The following HMCN2 variants were observed in gnomAD, a reference collection of about 807,000 sequenced individuals.
HMCN2 encodes hemicentin 2, also known as hemicentin-2.
HMCN2 carries 325 observed loss-of-function variants against 377.5 expected under a neutral mutation model. That is an observed-to-expected ratio of 0.86 (90% CI 0.79 to 0.94). The LOEUF (loss-of-function observed/expected upper bound fraction) is 0.94, where lower values mean the gene tolerates loss of function less well. Among genes scored for constraint, HMCN2 ranks in the 40% least tolerant of loss-of-function variants. The pLI is 0.00. For missense variants in HMCN2, 4,543 were observed against 4,725.3 expected (o/e 0.96, Z 1.13); for synonymous variants, 2,007 against 2,046.8 (o/e 0.98, Z 0.53).
chr9:130,432,336 TC>T, intron 96 of HMCN2, 92 bp from the exon 97 acceptor site: 2 of 1,165,384 alleles, frequency 1.7e-6, no homozygotes, highest in Non-Finnish European at 2.5e-6. Context: ...ACCTCACTGG[TC>T]CCCCAAAGGT....
chr9:130,379,402 C>T lies in HMCN2; in HGVS notation c.8366C>T (p.Pro2789Leu), dbSNP rs1233224368. The T allele has an allele frequency of 3.0e-6, 3 of 985,756 alleles. No homozygotes were observed. Among genetic ancestry groups the T allele is most frequent in the Non-Finnish European group, 3.6e-6 (3 of 829,978 alleles). The allele number at this position is 985,756 out of a possible 1,614,324, so 61.1% of individuals were successfully genotyped here. Residue 2789 changes from proline (P) to leucine (L), a missense_variant, in exon 54 of 98, where the codon CCG becomes CTG. Transcript: ENST00000683500. ...LYCDTNAIPP[P>L]DLTWYREDQP... ...TGCGACACCAACGCGATCCCACCCC[C>T]GGACCTCACCTGGTACAGAGAGGAT...
Position 130,393,725 on chromosome 9 carries a change from C to G in HMCN2, c.10235-17C>G, listed in dbSNP as rs1486701348. On this transcript the variant is annotated splice_polypyrimidine_tract_variant and intron_variant, in intron 67 of 97. Transcript: ENST00000683500. The surrounding 1 kb of genome is among the most constrained non-coding windows in gnomAD (Gnocchi z 5.2). ...CTGGAATAAAATGGTTCCTGCCCAC[C>G]TTTCTGCCCTCCATAGTGCCCCCTG... The G allele has an allele frequency of 1.6e-4, 191 of 1,217,232 alleles. No homozygotes were observed. Among genetic ancestry groups the G allele is most frequent in the Non-Finnish European group, 2.0e-4 (189 of 955,030 alleles). 75.4% of individuals were successfully genotyped at this position (1,217,232 alleles called of 1,614,324 possible).
At chr9:130,279,318 A>T (rs1303871977) in intron 1 of HMCN2, among the ~76,000 whole-genome samples, 1 of 152,040 alleles carries the variant, frequency 6.6e-6, no homozygotes, top group African/African-American at 2.4e-5. Context: ...ATCTTTAGAA[A>T]GGTGGGGGTC....
At chr9:130,431,705 C>T (rs1473294618) in intron 96 of HMCN2, among the ~76,000 whole-genome samples, 6 of 152,228 alleles carry the variant, frequency 3.9e-5, no homozygotes, top group Admixed American at 2.0e-4. Context: ...TGAGATCACG[C>T]GGGCAGGCTC....
chr9:130,423,283 T>C lies in HMCN2; in HGVS notation c.13381+557T>C, dbSNP rs1046735593. On this transcript the variant is annotated intron_variant, in intron 87 of 97. Coordinates refer to ENST00000683500, the MANE Select transcript of HMCN2 (RefSeq NM_001291815.2). This position sits in a 1 kb window ranked among gnomAD's most constrained non-coding sequence, Gnocchi z 5.5. ...GAGCTTGTGACAGTGGACGTCACTGTCTCTCCCTTCCCAAGGAATCCCTGG... is the reference window on the plus strand; with the variant it reads ...GAGCTTGTGACAGTGGACGTCACTGCCTCTCCCTTCCCAAGGAATCCCTGG... Among the ~76,000 whole-genome samples, 1 of 152,142 alleles carries C rather than the reference T, an allele frequency of 6.6e-6. No homozygotes were observed. Among genetic ancestry groups the C allele is most frequent in the Admixed American group, 6.5e-5 (1 of 15,284 alleles).
At chr9:130,324,955 A>T (rs1588243589) in intron 19 of HMCN2, among the ~76,000 whole-genome samples, 2 of 149,814 alleles carry the variant, frequency 1.3e-5, no homozygotes, top group East Asian at 3.9e-4. Context: ...GTTTGGACAA[A>T]TGCAGTGACC....
chr9:130,378,918 G>A lies in HMCN2; in HGVS notation c.8213-331G>A, dbSNP rs1410154408. ...CTCCATTTCTAAAGCTGATGATTTT[G>A]TGCCTCTATGCTCTGATAGACAAAC... On this transcript the variant is annotated intron_variant, in intron 53 of 97. Transcript: ENST00000683500. 3.3e-5 allele frequency among the ~76,000 whole-genome samples: 5 copies of A among 152,166 alleles called. No homozygotes were observed. The East Asian group carries it at 9.6e-4, about 29-fold the overall frequency.
At chr9:130,402,466 G>C (rs555322776) in intron 77 of HMCN2, among the ~76,000 whole-genome samples, 1 of 152,352 alleles carries the variant, frequency 6.6e-6, no homozygotes, top group Non-Finnish European at 1.5e-5. Flanking sequence ...GTGAGTGGGG[G>C]ATTACAGGCA....
In HMCN2 at chr9:130,358,189, G is replaced by A. The variant is rs552507737; in HGVS notation, c.5580+201G>A. Among the ~76,000 whole-genome samples, 10 of 152,324 alleles carry A rather than the reference G, an allele frequency of 6.6e-5. No individual in the cohort carries two copies. In the East Asian group the frequency reaches 1.2e-3, roughly 18 times the overall value. On this transcript the variant is annotated intron_variant, in intron 35 of 97. Transcript: ENST00000683500. ...TGTCAGAGGGAGAAAATGTCAGTGG[G>A]GGGGACAGGGAATGGTATGCCTGGA... is the stretch of plus-strand genomic sequence containing the variant.
Position 130,428,333 on chromosome 9 carries a change from G to A in HMCN2, c.14066-25G>A. ...CACGCCTGGGGATCATGTTCACACAGCCGTCTGCCCTGATCTGCCCCCAGA... is the reference window on the plus strand; with the variant it reads ...CACGCCTGGGGATCATGTTCACACAACCGTCTGCCCTGATCTGCCCCCAGA... On this transcript the variant is annotated intron_variant, in intron 92 of 97. Coordinates refer to ENST00000683500, the MANE Select transcript of HMCN2 (RefSeq NM_001291815.2). This position sits in a 1 kb window ranked among gnomAD's most constrained non-coding sequence, Gnocchi z 5.0. 6.6e-7 allele frequency: 1 copy of A among 1,514,464 alleles called. No homozygotes were observed. The allele number at this position is 1,514,464 out of a possible 1,614,324, so 93.8% of individuals were successfully genotyped here.
At chr9:130,358,114 C>A in intron 35 of HMCN2, 126 bp downstream of exon 35, 1 of 863,132 alleles carries the variant, frequency 1.2e-6, no homozygotes, top group Non-Finnish European at 1.6e-6. Flanking sequence ...AGAGCCCTCT[C>A]AGCCTGAAAG....
rs1216170203 is a variant in HMCN2, at chr9:130,414,880, G to A, written c.12962-3892G>A. 2.6e-5 allele frequency among the ~76,000 whole-genome samples: 4 copies of A among 152,018 alleles called. No individual in the cohort carries two copies. The highest frequency in any genetic ancestry group is 5.9e-5 in the Non-Finnish European group (4 of 67,984). Reference sequence around the variant, plus strand: ...TCCACCTGCCTCAGCCTCCCAAAGTGGTGGGATTACAGGCATGAACCACTG... The same window carrying A: ...TCCACCTGCCTCAGCCTCCCAAAGTAGTGGGATTACAGGCATGAACCACTG... On this transcript the variant is annotated intron_variant, in intron 85 of 97. Transcript: ENST00000683500. This position sits in a 1 kb window ranked among gnomAD's most constrained non-coding sequence, Gnocchi z 4.4.
At chr9:130,410,455 C>A (rs1564868809) in intron 84 of HMCN2, 116 bp from the exon 85 acceptor site, 4 of 834,024 alleles carry the variant, frequency 4.8e-6, no homozygotes, top group African/African-American at 1.7e-5. Context: ...GTGCCCCTGG[C>A]TGGTTCACAG....
intron 1 of HMCN2, among the ~76,000 whole-genome samples, chr9:130,277,971 CATCATCACCACCACCACG>C (rs1554923900): frequency 4.2e-5 from 5 of 118,312 alleles, no homozygotes; most frequent in African/African-American, 1.1e-4. Context: ...CCACCACCAT[CATCATCACCACCACCACG>C]ATCATCACCA....
chr9:130,288,336 T>A (rs933503951), intron 4 of HMCN2, among the ~76,000 whole-genome samples: 2 of 152,216 alleles, frequency 1.3e-5, no homozygotes, highest in African/African-American at 2.4e-5. Flanking sequence ...GGACCACCAG[T>A]GGCCAGAATT....
chr9:130,433,064 G>T (rs1278310406), intron 97 of HMCN2: 3 of 439,152 alleles, frequency 6.8e-6, no homozygotes, highest in Non-Finnish European at 1.2e-5. Flanking sequence ...GGGGCACATC[G>T]CTCCCCTGTG....
At chr9:130,292,486 T>A (rs1835836526) in intron 4 of HMCN2, among the ~76,000 whole-genome samples, 1 of 152,230 alleles carries the variant, frequency 6.6e-6, no homozygotes, top group African/African-American at 2.4e-5. Flanking sequence ...TAATTTGGTT[T>A]CTCTGAAGTA....
chr9:130,360,406 G>A lies in HMCN2; in HGVS notation c.5774-22G>A, dbSNP rs765857106. On this transcript the variant is annotated intron_variant, in intron 37 of 97. Transcript: ENST00000683500. The surrounding 1 kb of genome is among the most constrained non-coding windows in gnomAD (Gnocchi z 4.7). ...TTGCTTCTCTCTTCCTTTCCCCCTT[G>A]CATCTCTCTTCCTTTCCCCAGATGT... 8.1e-7 allele frequency: 1 copy of A among 1,234,192 alleles called. No individual in the cohort carries two copies. Among genetic ancestry groups the A allele is most frequent in the Non-Finnish European group, 1.1e-6 (1 of 951,324 alleles). The allele number at this position is 1,234,192 out of a possible 1,614,324, so 76.5% of individuals were successfully genotyped here. A position where few individuals can be genotyped will look rare whatever the true frequency, so the allele number is the denominator to read the frequency against.
At position 130,423,992 on chromosome 9, in the gene HMCN2, C is replaced by G. The variant is rs113111394; in HGVS notation, c.13382-784C>G. On this transcript the variant is annotated intron_variant, in intron 87 of 97. Coordinates refer to ENST00000683500, the MANE Select transcript of HMCN2 (RefSeq NM_001291815.2). The surrounding 1 kb of genome is among the most constrained non-coding windows in gnomAD (Gnocchi z 5.5). ...TGCATTTATTTCTTCTTTTTTTTTT[C>G]TTTTTGAGACTGCTTCTCGCTTTGT... is the stretch of plus-strand genomic sequence containing the variant. 6.8e-6 allele frequency among the ~76,000 whole-genome samples: 1 copy of G among 147,488 alleles called. No individual in the cohort carries two copies. The highest frequency in any genetic ancestry group is 1.5e-5 in the Non-Finnish European group (1 of 66,750).
Sources: gnomAD v4.1 joint callset for allele counts (sites outside exome capture counted in the v4.1 genomes callset) on GRCh38, gnomAD v4.1.1 for gene constraint, Gnocchi (gnomAD v3.1) non-coding constraint, MANE v1.5 for transcripts, NCBI Gene and HGNC (gene_info 2026-07-23, HGNC 2026-07-21) for gene names.